MARCHF3: variants seen among roughly 807,000 people sequenced by gnomAD.
MARCHF3 encodes the protein membrane associated ring-CH-type finger 3, also known as E3 ubiquitin-protein ligase MARCHF3.
Under a neutral mutation model 24.2 loss-of-function variants are expected in MARCHF3, and 13 were observed. That is an observed-to-expected ratio of 0.54 (90% CI 0.35 to 0.85). The LOEUF (loss-of-function observed/expected upper bound fraction) is 0.85. MARCHF3 is among the 40% of genes least tolerant of loss of function. The probability of loss-of-function intolerance (pLI) is 0.01; values close to 1 mark genes in which losing one functional copy is unlikely to be tolerated. For missense variants in MARCHF3, 276 were observed against 325.0 expected, an observed-to-expected ratio of 0.85 and a Z score of 1.16; for synonymous variants, 144 against 137.3, an observed-to-expected ratio of 1.05 and a Z score of -0.34.
chr5:126,948,401 A>C (rs1407602327), intron 1 of MARCHF3, among the ~76,000 whole-genome samples: 1 of 152,212 alleles, frequency 6.6e-6, no homozygotes, highest in Non-Finnish European at 1.5e-5. Context: ...GTGTTATTCA[A>C]GGGTCAACTG....
rs184991965 is a variant in MARCHF3 at position 126,892,839 on chromosome 5, G to C, written c.394-14445C>G. On this transcript the variant is annotated intron_variant, in intron 3 of 4. Transcript: ENST00000308660. Reference sequence around the variant, plus strand: ...AGGGAGGATTCCCTCTTTGTCTATTGATTGGAATAGTTTCAGAAGGAATGG... The same window carrying C: ...AGGGAGGATTCCCTCTTTGTCTATTCATTGGAATAGTTTCAGAAGGAATGG... 7.5e-3 allele frequency among the ~76,000 whole-genome samples: 1,109 copies of C among 148,322 alleles called. 14 individuals carry two copies. Among genetic ancestry groups the C allele is most frequent in the South Asian group, 0.05 (215 of 4,260 alleles).
At chr5:126,983,758 C>T (rs80112689) in intron 1 of MARCHF3, among the ~76,000 whole-genome samples, 3,135 of 152,190 alleles carry the variant, frequency 0.021, 75 homozygotes, top group South Asian at 0.11. Flanking sequence ...TCAGAAGGAG[C>T]GCAGGATGCA....
At chr5:126,979,948 C>CAAAAAA (rs757849978) in intron 1 of MARCHF3, among the ~76,000 whole-genome samples, 68 of 44,720 alleles carry the variant, frequency 1.5e-3, no homozygotes, top group South Asian at 2.7e-3. Context: ...AACTCCATCT[C>CAAAAAA]AAAAAAAAAA....
In MARCHF3 at chr5:126,987,753, T is replaced by A. The variant is rs1751614646; in HGVS notation, c.-57+42597A>T. On this transcript the variant is annotated intron_variant, in intron 1 of 4. Transcript: ENST00000308660. ...GGGAAGCTGCAACAGAGACTGGGAT[T>A]TCAAGTCCGGGTGGAGAAGAGAGAA... Among the ~76,000 whole-genome samples the A allele has an allele frequency of 3.9e-5, 6 of 152,176 alleles. No individual in the cohort carries two copies. The South Asian group carries it at 1.0e-3, about 26-fold the overall frequency.
intron 1 of MARCHF3, among the ~76,000 whole-genome samples, chr5:127,001,167 G>C (rs144767184): frequency 0.02 from 3,075 of 151,930 alleles, 74 homozygotes; most frequent in South Asian, 0.12. Flanking sequence ...GAACCTGGGA[G>C]ATGGAGGTTG....
intron 2 of MARCHF3, 79 bp downstream of exon 2, chr5:126,917,905 C>A: frequency 7.1e-7 from 1 of 1,412,816 alleles, no homozygotes; most frequent in Non-Finnish European, 9.7e-7. Flanking sequence ...GCACTAATTA[C>A]ATTCCCATTA....
chr5:126,887,165 T>C lies in MARCHF3; in HGVS notation c.394-8771A>G, dbSNP rs182608476. ...TCACCCTTAGCCTAACACCTTACCATGGCCTACAAAGCCCTGCATAGTTTA... is the reference window on the plus strand; with the variant it reads ...TCACCCTTAGCCTAACACCTTACCACGGCCTACAAAGCCCTGCATAGTTTA... On this transcript the variant is annotated intron_variant, in intron 3 of 4. Coordinates refer to ENST00000308660, the MANE Select transcript of MARCHF3 (RefSeq NM_178450.5). Among the ~76,000 whole-genome samples the C allele has an allele frequency of 6.6e-5, 10 of 152,296 alleles. No homozygotes were observed. The East Asian group carries it at 1.7e-3, about 26-fold the overall frequency.
intron 1 of MARCHF3, among the ~76,000 whole-genome samples, chr5:126,998,178 C>A (rs979973631): frequency 1.3e-5 from 2 of 152,064 alleles, no homozygotes; most frequent in Non-Finnish European, 2.9e-5. Context: ...ACTCCATGTA[C>A]AAGGGGAAGA....
chr5:127,015,018 T>C (rs766034782), intron 1 of MARCHF3, among the ~76,000 whole-genome samples: 8 of 152,168 alleles, frequency 5.3e-5, no homozygotes, highest in East Asian at 1.9e-4. Context: ...TTTGAGATGA[T>C]AGATATGATA....
intron 1 of MARCHF3, among the ~76,000 whole-genome samples, chr5:126,950,048 C>CA (rs1266197093): frequency 2.0e-5 from 3 of 152,178 alleles, no homozygotes; most frequent in African/African-American, 7.2e-5. Flanking sequence ...TTGACTCCCC[C>CA]AGGACCTCCA....
At chr5:126,965,220 A>T (rs1418657932) in intron 1 of MARCHF3, among the ~76,000 whole-genome samples, 1 of 151,964 alleles carries the variant, frequency 6.6e-6, no homozygotes, top group Non-Finnish European at 1.5e-5. Context: ...AATGACCCCT[A>T]CTCCCCAGAT....
At chr5:126,929,431 T>A (rs896557591) in intron 1 of MARCHF3, among the ~76,000 whole-genome samples, 1 of 152,222 alleles carries the variant, frequency 6.6e-6, no homozygotes, top group Non-Finnish European at 1.5e-5. Flanking sequence ...AATGATTGCA[T>A]CCACTGATGA....
intron 1 of MARCHF3, among the ~76,000 whole-genome samples, chr5:127,008,578 T>C (rs1180516519): frequency 1.3e-5 from 2 of 152,224 alleles, no homozygotes; most frequent in East Asian, 1.9e-4. Context: ...GTTTTCATAG[T>C]TGTTGTTCTG....
At chr5:126,936,163 G>A (rs1749639814) in intron 1 of MARCHF3, among the ~76,000 whole-genome samples, 1 of 152,064 alleles carries the variant, frequency 6.6e-6, no homozygotes, top group Admixed American at 6.6e-5. Flanking sequence ...GAACAGTTTG[G>A]CAGTATGTAT....
chr5:126,917,917 C>G (rs1748948574), intron 2 of MARCHF3, 67 bp downstream of exon 2: 3 of 1,519,338 alleles, frequency 2.0e-6, no homozygotes, highest in Non-Finnish European at 2.7e-6. Flanking sequence ...TTCCCATTAG[C>G]ATTTTCCATC....
chr5:126,885,305 C>T (rs977045873), intron 3 of MARCHF3, among the ~76,000 whole-genome samples: 2 of 152,108 alleles, frequency 1.3e-5, no homozygotes, highest in Non-Finnish European at 2.9e-5. Flanking sequence ...TGGTGGTTTA[C>T]GCCTGTAATC....
intron 3 of MARCHF3, among the ~76,000 whole-genome samples, chr5:126,892,684 G>GT (rs1753737152): frequency 6.7e-6 from 1 of 149,726 alleles, no homozygotes; most frequent in Non-Finnish European, 1.5e-5. Flanking sequence ...TGCTGGATTC[G>GT]TTTTGCCAGT....
chr5:126,948,468 C>G (rs1247533905), intron 1 of MARCHF3, among the ~76,000 whole-genome samples: 1 of 152,206 alleles, frequency 6.6e-6, no homozygotes, highest in South Asian at 2.1e-4. Context: ...CAGAAACACA[C>G]AAAGGTACAG....
intron 1 of MARCHF3, among the ~76,000 whole-genome samples, chr5:126,943,311 C>T (rs1749894708): frequency 6.6e-6 from 1 of 151,894 alleles, no homozygotes. Flanking sequence ...TGCATGATGG[C>T]TCACACTTGT....
Sources: allele counts gnomAD v4.1 joint callset (sites outside exome capture counted in the v4.1 genomes callset), GRCh38; gene constraint gnomAD v4.1.1; transcripts MANE v1.5; gene names NCBI Gene and HGNC (gene_info 2026-07-23, HGNC 2026-07-21).